Variants in DOCK9 observed in about 807,000 individuals in gnomAD.
DOCK9 encodes the protein dedicator of cytokinesis 9.
In DOCK9, 89 loss-of-function variants were observed where a neutral mutation model predicts 263.3. The ratio of observed to expected loss-of-function variants is 0.34; its 90% CI spans 0.28 to 0.40. The LOEUF is 0.40. Among genes scored for constraint, DOCK9 ranks in the 10% least tolerant of loss-of-function variants. The pLI is 1.00. For synonymous variants in DOCK9, 976 were observed against 973.1 expected (o/e 1.00, Z -0.06); for missense variants, 2,140 against 2,603.4 (o/e 0.82, Z 3.87).
intron 1 of DOCK9, among the ~76,000 whole-genome samples, chr13:99,052,884 T>C (rs1397290041): frequency 6.6e-6 from 1 of 152,144 alleles, no homozygotes; most frequent in Non-Finnish European, 1.5e-5. Flanking sequence ...GTTTTGGATA[T>C]TAATCCCTTA....
At chr13:98,846,706 C>G in intron 37 of DOCK9, 1 of 457,572 alleles carries the variant, frequency 2.2e-6, no homozygotes, top group South Asian at 1.7e-5. Context: ...CAACCGTCCC[C>G]CTCACTGTGT....
At chr13:98,843,504 G>GTAAA (rs2093293206) in intron 38 of DOCK9, among the ~76,000 whole-genome samples, 1 of 152,208 alleles carries the variant, frequency 6.6e-6, no homozygotes, top group Non-Finnish European at 1.5e-5. Flanking sequence ...ATGAGAATTG[G>GTAAA]AGATGTAAAA....
In DOCK9 at chr13:98,831,386, A is replaced by C; in HGVS notation, c.4597T>G (p.Tyr1533Asp). The C allele has an allele frequency of 6.2e-7, 1 of 1,605,356 alleles. No individual in the cohort carries two copies. Among genetic ancestry groups the C allele is most frequent in the South Asian group, 1.1e-5 (1 of 88,830 alleles). The change falls in exon 41 of 53, where the codon TAC (tyrosine) becomes GAC (aspartate). Residue 1533 changes from tyrosine to aspartate, a missense_variant. Physicochemically the swap from Tyr to Asp is radical, Grantham distance 160. Coordinates refer to ENST00000682017, the MANE Select transcript of DOCK9 (RefSeq NM_001366683.2). Reference protein sequence around the residue: ...LYFLMRNNFDYTGKKSFVRTH... With the variant: ...LYFLMRNNFDDTGKKSFVRTH... ...CGGACAAAGGACTTCTTTCCAGTGT[A>C]ATCAAAGTTGTTCCTCATCAGGAAG...
At chr13:98,987,351 A>T (rs892159562) in intron 1 of DOCK9, among the ~76,000 whole-genome samples, 1 of 79,178 alleles carries the variant, frequency 1.3e-5, no homozygotes, top group African/African-American at 4.4e-5. Context: ...CTGAACAAAG[A>T]AAAAAACTCT....
intron 1 of DOCK9, among the ~76,000 whole-genome samples, chr13:99,065,717 G>A (rs144353294): frequency 5.3e-5 from 8 of 151,992 alleles, no homozygotes; most frequent in African/African-American, 1.9e-4. Flanking sequence ...CCTCTTTAAC[G>A]CTTTACTTAT....
In DOCK9 at chr13:98,931,196, G is replaced by C. The variant is rs1190845659; in HGVS notation, c.244-939C>G. On this transcript the variant is annotated intron_variant, in intron 2 of 52. Coordinates refer to ENST00000682017, the MANE Select transcript of DOCK9 (RefSeq NM_001366683.2). ...CTGCTCGTGTTCATTAGGCTTAAAT[G>C]CTTCTTTTAAATAAAATGACAGGGC... is the stretch of plus-strand genomic sequence containing the variant. Among the ~76,000 whole-genome samples, 7 of 152,334 alleles carry C rather than the reference G, an allele frequency of 4.6e-5. No individual in the cohort carries two copies. In the South Asian group the frequency reaches 1.0e-3, roughly 23 times the overall value.
intron 2 of DOCK9, among the ~76,000 whole-genome samples, chr13:98,934,531 G>A (rs1040713442): frequency 6.6e-6 from 1 of 152,206 alleles, no homozygotes; most frequent in Non-Finnish European, 1.5e-5. Flanking sequence ...CTGTGGGATG[G>A]TTTGTTACTC....
At chr13:98,951,184 G>T (rs1202264843) in intron 2 of DOCK9, among the ~76,000 whole-genome samples, 4 of 152,144 alleles carry the variant, frequency 2.6e-5, no homozygotes, top group Non-Finnish European at 5.9e-5. Flanking sequence ...AAAAATAAAG[G>T]TTTATTAATC....
At chr13:99,067,272 T>A (rs1199849510) in intron 1 of DOCK9, among the ~76,000 whole-genome samples, 1 of 152,172 alleles carries the variant, frequency 6.6e-6, no homozygotes, top group Non-Finnish European at 1.5e-5. Flanking sequence ...AGTGACAACC[T>A]GAGACCTACT....
intron 1 of DOCK9, among the ~76,000 whole-genome samples, chr13:99,047,975 T>C (rs1196908543): frequency 1.3e-5 from 2 of 151,858 alleles, no homozygotes; most frequent in African/African-American, 4.8e-5. Context: ...CTCCTAGGAG[T>C]CAAATCCTGG....
chr13:99,042,755 G>C (rs534142607), intron 1 of DOCK9, among the ~76,000 whole-genome samples: 1 of 152,284 alleles, frequency 6.6e-6, no homozygotes, highest in South Asian at 2.1e-4. Flanking sequence ...ATATAAATGG[G>C]CCAAAGATTG....
intron 1 of DOCK9, among the ~76,000 whole-genome samples, chr13:99,052,591 T>C (rs939567040): frequency 6.6e-6 from 1 of 152,130 alleles, no homozygotes; most frequent in Non-Finnish European, 1.5e-5. Context: ...TTGCCCTTTT[T>C]TTTGGGGAGG....
chr13:99,026,309 A>T (rs1013916581), intron 1 of DOCK9, among the ~76,000 whole-genome samples: 2 of 152,244 alleles, frequency 1.3e-5, no homozygotes, highest in Admixed American at 6.5e-5. Context: ...TTTCTTTAAA[A>T]ACAAGACAGC....
chr13:99,078,453 G>A (rs572883232), intron 1 of DOCK9, among the ~76,000 whole-genome samples: 8 of 152,302 alleles, frequency 5.3e-5, no homozygotes, highest in East Asian at 1.9e-4. Flanking sequence ...GTGCTTAGTC[G>A]TATGGGGTGA....
intron 1 of DOCK9, among the ~76,000 whole-genome samples, chr13:98,972,592 G>A (rs535345440): frequency 4.6e-5 from 7 of 152,086 alleles, no homozygotes; most frequent in Non-Finnish European, 8.8e-5. Flanking sequence ...TCCACCGACC[G>A]CTCCACAAAA....
upstream of DOCK9, among the ~76,000 whole-genome samples, chr13:99,087,090 G>T (rs12875435): frequency 1.3e-4 from 20 of 151,778 alleles, no homozygotes; most frequent in East Asian, 3.5e-3. Context: ...AGAGGTCTCA[G>T]GAAAGTAGCC....
intron 1 of DOCK9, among the ~76,000 whole-genome samples, chr13:99,006,840 C>T (rs1278132821): frequency 6.6e-6 from 1 of 152,026 alleles, no homozygotes; most frequent in East Asian, 1.9e-4. Flanking sequence ...ACCTGTAATC[C>T]CAGCACTTTG....
chr13:98,809,274 T>G, intron 47 of DOCK9, 78 bp downstream of exon 47: 1 of 1,310,680 alleles, frequency 7.6e-7, no homozygotes, highest in Non-Finnish European at 1.1e-6. Flanking sequence ...ATAACTTTAT[T>G]ATAGTTTTTT....
chr13:99,045,255 C>T (rs1270668907), intron 1 of DOCK9, among the ~76,000 whole-genome samples: 2 of 152,202 alleles, frequency 1.3e-5, no homozygotes, highest in African/African-American at 4.8e-5. Flanking sequence ...TGGAATCAAC[C>T]TAAGTGGCCA....
Sources: allele counts gnomAD v4.1 joint callset (sites outside exome capture counted in the v4.1 genomes callset), GRCh38; gene constraint gnomAD v4.1.1; transcripts MANE v1.5; gene names NCBI Gene and HGNC (gene_info 2026-07-23, HGNC 2026-07-21).